Variants in LRRC56 observed in about 807,000 individuals in gnomAD.
LRRC56 encodes the protein leucine rich repeat containing 56, also known as leucine-rich repeat-containing protein 56.
LRRC56 carries 41 observed loss-of-function variants against 47.8 expected under a neutral mutation model. The observed-to-expected ratio is 0.86, with a 90% CI of 0.67 to 1.11. The LOEUF (loss-of-function observed/expected upper bound fraction) is 1.11, where lower values mean the gene tolerates loss of function less well. Ranked by LOEUF, LRRC56 falls within the 50% of genes most tolerant of loss-of-function variation. The pLI, the probability that LRRC56 is intolerant of heterozygous loss-of-function variation, is 0.00. For missense variants in LRRC56, 759 were observed against 704.2 expected, an observed-to-expected ratio of 1.08 and a Z score of -0.88; for synonymous variants, 387 against 311.2, an observed-to-expected ratio of 1.24 and a Z score of -2.56.
upstream of LRRC56, chr11:535,289 C>CCCGCCGCCG (rs113931482): frequency 3.3e-3 from 466 of 141,296 alleles, 2 homozygotes; most frequent in Non-Finnish European, 5.5e-3. Context: ...GCCCCACCCA[C>CCCGCCGCCG]CCGCCGCCGC....
chr11:554,689 G>C lies in LRRC56; in HGVS notation c.*413G>C, dbSNP rs937914016. ...CAGGGTAAGAGCCACCTCCTAGGCC[G>C]CAGTGGCCCAAGGTCCCAGCTGCTC... On this transcript the variant is annotated 3_prime_UTR_variant, in exon 14 of 14. Coordinates refer to ENST00000270115, the MANE Select transcript of LRRC56 (RefSeq NM_198075.4). The C allele has an allele frequency of 2.3e-6, 1 of 426,390 alleles. No homozygotes were observed. Among genetic ancestry groups the C allele is most frequent in the Non-Finnish European group, 4.2e-6 (1 of 238,244 alleles). The allele number at this position is 426,390 out of a possible 1,614,324, so 26.4% of individuals were successfully genotyped here. A position where few individuals can be genotyped will look rare whatever the true frequency, so the allele number is the denominator to read the frequency against.
At chr11:533,976 AGGACCTTCCGTGG>A (rs771756228), upstream of LRRC56, 5 of 1,603,462 alleles carry the variant, frequency 3.1e-6, no homozygotes, top group Non-Finnish European at 4.2e-6. Flanking sequence ...GGACCCCCTC[AGGACCTTCCGTGG>A]GGGGAGTTCA....
In LRRC56 at chr11:542,897, G is replaced by A. The variant is rs181729213; in HGVS notation, c.265+1273G>A. ...TCAAATGTCACCAGCTGTCCCAACA[G>A]TGACTTTTTTTTTTTTGAGATGGAG... On this transcript the variant is annotated intron_variant, in intron 5 of 13. Transcript: ENST00000270115. Among the ~76,000 whole-genome samples the A allele has an allele frequency of 1.9e-3, 294 of 151,942 alleles. 4 individuals carry two copies. The highest frequency in any genetic ancestry group is 7.5e-4 in the Non-Finnish European group (51 of 67,972).
chr11:510,063 C>T, the LRRC56 span, among the ~76,000 whole-genome samples: 2 of 152,042 alleles, frequency 1.3e-5, no homozygotes, highest in African/African-American at 2.4e-5. Context: ...AGGGATGCTG[C>T]CCTTTCCTTC....
the LRRC56 span, among the ~76,000 whole-genome samples, chr11:522,541 C>G: frequency 6.6e-6 from 1 of 152,176 alleles, no homozygotes; most frequent in Non-Finnish European, 1.5e-5. Context: ...GCTGGGATTA[C>G]AGGCGTGAGC....
chr11:544,871 G>T, intron 6 of LRRC56, 91 bp downstream of exon 6: 1 of 1,221,076 alleles, frequency 8.2e-7, no homozygotes, highest in Non-Finnish European at 1.2e-6. Flanking sequence ...CTTGGTGGGA[G>T]TGGGGGGACT....
chr11:534,052 C>G (rs778363504), upstream of LRRC56: 16 of 1,323,170 alleles, frequency 1.2e-5, no homozygotes, highest in Non-Finnish European at 1.6e-5. Context: ...CCCTCCTCTC[C>G]TGGGGTGCTG....
the LRRC56 span, among the ~76,000 whole-genome samples, chr11:523,557 G>C: frequency 1.8e-4 from 27 of 151,358 alleles, no homozygotes; most frequent in Admixed American, 6.6e-4. Context: ...CTTGAACCCT[G>C]GAGGTGGAGG....
chr11:519,228 C>A, the LRRC56 span, among the ~76,000 whole-genome samples: 3 of 152,336 alleles, frequency 2.0e-5, no homozygotes, highest in Non-Finnish European at 2.9e-5. Flanking sequence ...CGTGTTTCTT[C>A]CTAAAGGAAC....
chr11:519,271 C>T, the LRRC56 span, among the ~76,000 whole-genome samples: 3 of 149,912 alleles, frequency 2.0e-5, 1 homozygote, highest in African/African-American at 2.4e-5. Flanking sequence ...TTTATTAGAA[C>T]GCGGGCTGAT....
chr11:515,628 A>G, the LRRC56 span, among the ~76,000 whole-genome samples: 2 of 152,194 alleles, frequency 1.3e-5, no homozygotes, highest in Non-Finnish European at 2.9e-5. Context: ...ACCAGAGGTC[A>G]GGAGTTTGAC....
chr11:534,985 G>A (rs1448991664), upstream of LRRC56, among the ~76,000 whole-genome samples: 1 of 152,220 alleles, frequency 6.6e-6, no homozygotes, highest in Non-Finnish European at 1.5e-5. Flanking sequence ...CCGAGAAGCG[G>A]CGCGGGAGAC....
At chr11:540,564 G>C (rs1851740074) in intron 3 of LRRC56, 110 bp from the exon 4 acceptor site, 1 of 924,190 alleles carries the variant, frequency 1.1e-6, no homozygotes, top group African/African-American at 1.7e-5. Context: ...TGGGTGCCAA[G>C]GGCTTGCTGT....
intron 12 of LRRC56, among the ~76,000 whole-genome samples, 158 bp downstream of exon 12, chr11:552,390 G>A (rs901895702): frequency 2.0e-5 from 3 of 148,408 alleles, no homozygotes. Context: ...TACCTTGGCT[G>A]AGTCATCGCT....
At chr11:510,449 A>G in the LRRC56 span, among the ~76,000 whole-genome samples, 1 of 152,110 alleles carries the variant, frequency 6.6e-6, no homozygotes, top group African/African-American at 2.4e-5. Flanking sequence ...TAAAAATACA[A>G]AAAAATGGCT....
At chr11:542,812 C>T (rs1019866808) in intron 5 of LRRC56, among the ~76,000 whole-genome samples, 1 of 151,990 alleles carries the variant, frequency 6.6e-6, no homozygotes, top group Non-Finnish European at 1.5e-5. Flanking sequence ...AAATGCAGTG[C>T]GATGGCCAAA....
intron 6 of LRRC56, among the ~76,000 whole-genome samples, chr11:545,390 C>T (rs1417423445): frequency 1.3e-5 from 2 of 152,220 alleles, no homozygotes; most frequent in African/African-American, 2.4e-5. Context: ...CATGAGGCCA[C>T]GAGCTTGGGG....
chr11:531,100 G>C, the LRRC56 span, among the ~76,000 whole-genome samples: 3 of 137,376 alleles, frequency 2.2e-5, no homozygotes, highest in Admixed American at 1.4e-4. Flanking sequence ...CGAGTGTGGC[G>C]TCCCCTGGAG....
the LRRC56 span, among the ~76,000 whole-genome samples, chr11:510,377 G>A: frequency 6.6e-6 from 1 of 151,384 alleles, no homozygotes. Flanking sequence ...CGAGGCAGGC[G>A]GATCATTTGA....
Sources: allele counts gnomAD v4.1 joint callset (sites outside exome capture counted in the v4.1 genomes callset), GRCh38; gene constraint gnomAD v4.1.1; transcripts MANE v1.5; gene names NCBI Gene and HGNC (gene_info 2026-07-23, HGNC 2026-07-21).